The following EYS variants were observed in gnomAD, a reference collection of about 807,000 sequenced individuals.
EYS encodes protein eyes shut homolog.
In EYS, 250 loss-of-function variants were observed where a neutral mutation model predicts 282.1. The ratio of observed to expected loss-of-function variants is 0.89; its 90% CI spans 0.80 to 0.98. The LOEUF (loss-of-function observed/expected upper bound fraction) is 0.98. Ranked by LOEUF, EYS falls within the 50% of genes least tolerant of loss-of-function variation. The probability of loss-of-function intolerance (pLI) is 0.00; values close to 1 mark genes in which losing one functional copy is unlikely to be tolerated. For synonymous variants in EYS, 1,355 were observed against 1,282.9 expected, an observed-to-expected ratio of 1.06 and a Z score of -1.20; for missense variants, 4,016 against 3,709.0, an observed-to-expected ratio of 1.08 and a Z score of -2.15.
intron 36 of EYS, 138 bp from the exon 37 acceptor site, chr6:63,806,510 T>C (rs1770913318): frequency 1.5e-6 from 1 of 674,282 alleles, no homozygotes; most frequent in African/African-American, 1.8e-5. Flanking sequence ...CCTTCAGCAT[T>C]GAGCAACTAA....
chr6:65,488,273 C>T (rs547498977), intron 5 of EYS, among the ~76,000 whole-genome samples: 6 of 152,124 alleles, frequency 3.9e-5, no homozygotes, highest in African/African-American at 1.2e-4. Flanking sequence ...GTTAGGATGT[C>T]GATTTTAGAT....
At chr6:64,476,428 A>G (rs1250620200) in intron 26 of EYS, among the ~76,000 whole-genome samples, 3 of 152,086 alleles carry the variant, frequency 2.0e-5, no homozygotes, top group Non-Finnish European at 1.5e-5. Context: ...GCATAGAAAA[A>G]GCACTTTCAG....
intron 8 of EYS, 95 bp downstream of exon 8, chr6:65,384,291 T>C: frequency 1.4e-6 from 1 of 728,510 alleles, no homozygotes; most frequent in Non-Finnish European, 2.4e-6. Context: ...TATGTTTCTC[T>C]GGCTAAGATT....
At chr6:65,663,869 T>TTC (rs1554221667) in intron 1 of EYS, among the ~76,000 whole-genome samples, 2 of 62,142 alleles carry the variant, frequency 3.2e-5, no homozygotes, top group African/African-American at 6.6e-5. Context: ...TTCTTTTCTT[T>TTC]TTTTTTTTTT....
chr6:64,492,802 T>C (rs187039314), intron 26 of EYS, among the ~76,000 whole-genome samples: 3 of 151,244 alleles, frequency 2.0e-5, no homozygotes, highest in East Asian at 2.0e-4. Flanking sequence ...TTAGTACAGA[T>C]AGCATTTAGC....
chr6:65,495,772 C>T (rs987886730), intron 3 of EYS, 87 bp downstream of exon 3: 3 of 322,092 alleles, frequency 9.3e-6, no homozygotes, highest in Non-Finnish European at 1.7e-5. Context: ...AAAACATGAT[C>T]AAGATATGTT....
chr6:64,350,338 A>T, intron 29 of EYS, among the ~76,000 whole-genome samples: 1 of 151,384 alleles, frequency 6.6e-6, no homozygotes, highest in East Asian at 2.0e-4. Flanking sequence ...TTGCTTAAAA[A>T]AAGTTTATTT....
intron 22 of EYS, among the ~76,000 whole-genome samples, chr6:64,710,428 T>C (rs1771168676): frequency 6.6e-6 from 1 of 152,192 alleles, no homozygotes; most frequent in Non-Finnish European, 1.5e-5. Context: ...AGCCTTTCAT[T>C]AGCCACGGAC....
intron 19 of EYS, among the ~76,000 whole-genome samples, chr6:64,851,041 G>C (rs1765866368): frequency 6.6e-6 from 1 of 151,884 alleles, no homozygotes; most frequent in Admixed American, 6.6e-5. Context: ...TGGTTTGGCA[G>C]TATTTAAAAT....
chr6:65,418,497 T>C (rs1767326767), intron 5 of EYS, among the ~76,000 whole-genome samples: 1 of 151,962 alleles, frequency 6.6e-6, no homozygotes, highest in East Asian at 1.9e-4. Context: ...ATAGGCTGGA[T>C]AAAGAAAATG....
intron 5 of EYS, among the ~76,000 whole-genome samples, chr6:65,474,181 C>CAT (rs1765317225): frequency 6.6e-6 from 1 of 152,022 alleles, no homozygotes; most frequent in African/African-American, 2.4e-5. Context: ...AAAGAAGAAG[C>CAT]AGATTTTGAA....
chr6:64,512,073 T>G (rs1279990073), intron 26 of EYS, among the ~76,000 whole-genome samples: 1 of 152,060 alleles, frequency 6.6e-6, no homozygotes, highest in African/African-American at 2.4e-5. Context: ...CTCCTTTTAA[T>G]TATATGTGCA....
At chr6:64,401,799 G>C (rs1773545314) in intron 28 of EYS, among the ~76,000 whole-genome samples, 1 of 152,022 alleles carries the variant, frequency 6.6e-6, no homozygotes, top group Non-Finnish European at 1.5e-5. Context: ...ACATGGAACT[G>C]TCCCCAGATT....
intron 26 of EYS, among the ~76,000 whole-genome samples, chr6:64,478,963 C>T (rs752137490): frequency 2.2e-4 from 33 of 151,858 alleles, no homozygotes; most frequent in Admixed American, 5.9e-4. Flanking sequence ...TAGCTGAAGG[C>T]AACCTTGTTA....
At chr6:64,466,252 T>C (rs908599215) in intron 26 of EYS, among the ~76,000 whole-genome samples, 1 of 152,104 alleles carries the variant, frequency 6.6e-6, no homozygotes, top group African/African-American at 2.4e-5. Context: ...CTCCTGGGTA[T>C]ACATCCAAAG....
intron 14 of EYS, among the ~76,000 whole-genome samples, chr6:64,993,251 G>A (rs953034573): frequency 6.6e-6 from 1 of 151,852 alleles, no homozygotes; most frequent in South Asian, 2.1e-4. Context: ...TTGGTTCCAA[G>A]TCTTTGCTAT....
At chr6:64,181,893 A>G (rs1764797575) in intron 31 of EYS, among the ~76,000 whole-genome samples, 1 of 152,130 alleles carries the variant, frequency 6.6e-6, no homozygotes, top group East Asian at 1.9e-4. Flanking sequence ...CAGTTGAAAA[A>G]GGTAAAGGAC....
intron 14 of EYS, among the ~76,000 whole-genome samples, chr6:64,954,061 C>T (rs1015458377): frequency 2.0e-5 from 3 of 151,412 alleles, no homozygotes; most frequent in Non-Finnish European, 3.0e-5. Context: ...AATGAGAAAA[C>T]AAACATTAAG....
At chr6:64,198,229 G>C (rs571164181) in intron 31 of EYS, among the ~76,000 whole-genome samples, 31 of 150,888 alleles carry the variant, frequency 2.1e-4, no homozygotes, top group Non-Finnish European at 4.3e-4. Context: ...GGATGGTCTA[G>C]ATCTCCTGAC....
Sources: gnomAD v4.1 joint callset for allele counts (sites outside exome capture counted in the v4.1 genomes callset) on GRCh38, gnomAD v4.1.1 for gene constraint, MANE v1.5 for transcripts, NCBI Gene and HGNC (gene_info 2026-07-23, HGNC 2026-07-21) for gene names.